CDHR2: variants seen among roughly 807,000 people sequenced by gnomAD.
CDHR2 encodes cadherin-related family member 2.
A neutral mutation model predicts 138.6 loss-of-function variants in CDHR2; 104 were observed. The ratio of observed to expected loss-of-function variants is 0.75; its 90% CI spans 0.64 to 0.88. CDHR2 has a LOEUF of 0.88. Among genes scored for constraint, CDHR2 ranks in the 40% least tolerant of loss-of-function variants. CDHR2 has a pLI of 0.00. For missense variants in CDHR2, 1,624 were observed against 1,727.6 expected (o/e 0.94, Z 1.06); for synonymous variants, 755 against 742.8 (o/e 1.02, Z -0.27).
At chr5:176,547,846 G>A (rs958569308), upstream of CDHR2, 13 of 152,154 alleles carry the variant, frequency 8.5e-5, no homozygotes, top group Non-Finnish European at 5.9e-5. Context: ...TTGTTACTAT[G>A]TTTTACATTT....
chr5:176,560,920 G>A (rs984813622), intron 1 of CDHR2, among the ~76,000 whole-genome samples: 4 of 152,170 alleles, frequency 2.6e-5, no homozygotes, highest in East Asian at 1.9e-4. Flanking sequence ...GCTTCAGGGC[G>A]GGGTGCTGAC....
chr5:176,552,915 T>C (rs1581129021), intron 1 of CDHR2, among the ~76,000 whole-genome samples: 1 of 152,296 alleles, frequency 6.6e-6, no homozygotes, highest in East Asian at 1.9e-4. Context: ...AGCTCTTCCT[T>C]CCAGGGGGAT....
intron 16 of CDHR2, among the ~76,000 whole-genome samples, chr5:176,580,070 C>T (rs1222935642): frequency 1.2e-4 from 18 of 152,056 alleles, no homozygotes; most frequent in Admixed American, 1.2e-3. Flanking sequence ...ACCCCAAAGA[C>T]AAACCAAGCA....
At chr5:176,554,843 G>A (rs576547388) in intron 1 of CDHR2, among the ~76,000 whole-genome samples, 250 of 152,196 alleles carry the variant, frequency 1.6e-3, no homozygotes, top group Admixed American at 2.3e-3. Context: ...TAGTAGAGAC[G>A]GGGTTTCACC....
At chr5:176,575,449 G>A (rs762647021) in intron 9 of CDHR2, 23 bp downstream of exon 9, 47 of 1,614,258 alleles carry the variant, frequency 2.9e-5, no homozygotes, top group Non-Finnish European at 3.8e-5. Flanking sequence ...CCTGTGGGGT[G>A]TGGGTGGAGG....
Position 176,577,777 on chromosome 5 carries a change from TGTGGTCACCGACAGCATCCAC to T in CDHR2, c.1495_1512+3del, listed in dbSNP as rs1353855591. 6.2e-7 allele frequency: 1 copy of T among 1,614,064 alleles called. No homozygotes were observed. Among genetic ancestry groups the T allele is most frequent in the Non-Finnish European group, 8.5e-7 (1 of 1,180,026 alleles). ...TGCCAGAGCACAGCGCCACCGGCTC[TGTGGTCACCGACAGCATCCAC>T]GTGAGTGATGTGGACACAGTGGGGC... On this transcript the variant is annotated inframe_deletion and splice_region_variant, in exon 14 of 32. Transcript: ENST00000261944.
chr5:176,568,715 C>T lies in CDHR2; in HGVS notation c.162C>T (p.Asp54=), dbSNP rs763921301. Residue 54 remains aspartate (D), a synonymous_variant, in exon 4 of 32, where the codon GAC becomes GAT. Coordinates refer to ENST00000261944, the MANE Select transcript of CDHR2 (RefSeq NM_017675.6). ...QAFWLVAEDQ[D]NDPLTYGMSG... ...TCTGGTTGGTAGCGGAAGACCAGGA[C>T]AATGACCCTCTGACCTATGGGATGA... 3.1e-6 allele frequency: 5 copies of T among 1,614,232 alleles called. No homozygotes were observed. Among genetic ancestry groups the T allele is most frequent in the East Asian group, 2.2e-5 (1 of 44,890 alleles).
intron 31 of CDHR2, among the ~76,000 whole-genome samples, chr5:176,595,070 CCTCT>C (rs556061837): frequency 6.6e-5 from 10 of 152,202 alleles, no homozygotes; most frequent in Admixed American, 2.0e-4. Context: ...CACCAGTAGA[CCTCT>C]CTAAGCCTCA....
At chr5:176,577,923 G>T in intron 14 of CDHR2, 111 bp from the exon 15 acceptor site, 1 of 1,484,352 alleles carries the variant, frequency 6.7e-7, no homozygotes, top group South Asian at 1.3e-5. Flanking sequence ...GAGTGTGCTG[G>T]GGATTCTCCC....
chr5:176,566,336 C>T (rs1035391166), intron 3 of CDHR2, among the ~76,000 whole-genome samples: 2 of 152,160 alleles, frequency 1.3e-5, no homozygotes, highest in African/African-American at 4.8e-5. Context: ...AAAGTCACAG[C>T]AAAGGTCATG....
chr5:176,586,583 G>A (rs1561879851), intron 20 of CDHR2: 1 of 574,834 alleles, frequency 1.7e-6, no homozygotes, highest in African/African-American at 1.9e-5. Context: ...TTTCCGCATG[G>A]TCCTGTGGGC....
chr5:176,586,235 G>A (rs1479405557), intron 20 of CDHR2, among the ~76,000 whole-genome samples: 1 of 152,000 alleles, frequency 6.6e-6, no homozygotes, highest in Non-Finnish European at 1.5e-5. Flanking sequence ...TTGCTCTGTC[G>A]CCCAGGCTGG....
chr5:176,586,123 A>G, intron 20 of CDHR2, 98 bp downstream of exon 20: 1 of 900,108 alleles, frequency 1.1e-6, no homozygotes, highest in Non-Finnish European at 1.8e-6. Context: ...GGGAGCCTTT[A>G]GAAAGGGGGG....
rs3762962 is a variant in CDHR2 at position 176,576,953 on chromosome 5, G to A, written c.1195-446G>A. On this transcript the variant is annotated intron_variant, in intron 12 of 31. Coordinates refer to ENST00000261944, the MANE Select transcript of CDHR2 (RefSeq NM_017675.6). The surrounding 1 kb of genome is among the most constrained non-coding windows in gnomAD (Gnocchi z 4.5). The stretch of plus-strand genomic sequence containing the variant: ...GCGCTGGAGGATGAGTAACTCTGGA[G>A]GGTGTATGGTGTTAGGTGATACTGA... Among the ~76,000 whole-genome samples the A allele has an allele frequency of 0.2, 29,953 of 152,198 alleles. 3,551 individuals are homozygous for A. Among genetic ancestry groups the A allele is most frequent in the East Asian group, 0.48 (2,453 of 5,160 alleles).
In CDHR2 at chr5:176,575,857, C is replaced by T. The variant is rs370733571; in HGVS notation, c.960+18C>T. Reference sequence around the variant, plus strand: ...AGGTCACGGTGAGCAAAGGCCCCACCACCCCTGTCAGAACCCTGCTCTCTA... The same window carrying T: ...AGGTCACGGTGAGCAAAGGCCCCACTACCCCTGTCAGAACCCTGCTCTCTA... On this transcript the variant is annotated intron_variant, in intron 11 of 31. Transcript: ENST00000261944. 1 of 1,543,536 alleles carries T rather than the reference C, an allele frequency of 6.5e-7. No homozygotes were observed. Among genetic ancestry groups the T allele is most frequent in the African/African-American group, 1.4e-5 (1 of 73,052 alleles).
chr5:176,550,702 C>T (rs144236965), intron 1 of CDHR2, among the ~76,000 whole-genome samples: 412 of 152,290 alleles, frequency 2.7e-3, no homozygotes, highest in African/African-American at 8.6e-3. Flanking sequence ...GCTGGGGGAG[C>T]TCTGTAGCAT....
intron 6 of CDHR2, among the ~76,000 whole-genome samples, chr5:176,571,971 T>G (rs1274893185): frequency 6.6e-6 from 1 of 152,196 alleles, no homozygotes; most frequent in African/African-American, 2.4e-5. Context: ...CAGGCATGGC[T>G]GGATCCAGGT....
At chr5:176,563,583 T>C (rs758920844) in intron 1 of CDHR2, among the ~76,000 whole-genome samples, 16 of 152,206 alleles carry the variant, frequency 1.1e-4, no homozygotes, top group Non-Finnish European at 1.6e-4. Flanking sequence ...GTCCTGTTTA[T>C]AATTTGGCAT....
intron 1 of CDHR2, among the ~76,000 whole-genome samples, chr5:176,563,710 C>T (rs999947347): frequency 1.8e-4 from 28 of 152,164 alleles, no homozygotes; most frequent in African/African-American, 6.5e-4. Flanking sequence ...CATGATTGAC[C>T]TCCCATCCCG....
Sources: gnomAD v4.1 joint callset for allele counts (sites outside exome capture counted in the v4.1 genomes callset) on GRCh38, gnomAD v4.1.1 for gene constraint, Gnocchi (gnomAD v3.1) non-coding constraint, MANE v1.5 for transcripts, NCBI Gene and HGNC (gene_info 2026-07-23, HGNC 2026-07-21) for gene names.